DLGAP4: variants seen among roughly 807,000 people sequenced by gnomAD.
The protein encoded by DLGAP4 is disks large-associated protein 4.
Under a neutral mutation model 86.9 loss-of-function variants are expected in DLGAP4, and 18 were observed. That is an observed-to-expected ratio of 0.21 (90% CI 0.14 to 0.31). The LOEUF is 0.31. DLGAP4 is among the 10% of genes least tolerant of loss of function. The pLI is 1.00. For synonymous variants in DLGAP4, 548 were observed against 574.3 expected, an observed-to-expected ratio of 0.95 and a Z score of 0.65; for missense variants, 1,085 against 1,362.6, an observed-to-expected ratio of 0.80 and a Z score of 3.21.
chr20:36,471,211 G>A lies in DLGAP4; in HGVS notation c.1648+24274G>A, dbSNP rs540296191. On this transcript the variant is annotated intron_variant, in intron 7 of 12. Coordinates refer to ENST00000339266, the MANE Select transcript of DLGAP4 (RefSeq NM_001365621.2). ...CATTCAAATATTTACTGACCTTGCC[G>A]GGCGCGATGGCTCATGCCTGTAATC... Among the ~76,000 whole-genome samples, 11 of 152,124 alleles carry A rather than the reference G, an allele frequency of 7.2e-5. No individual in the cohort carries two copies. The East Asian group carries it at 9.6e-4, about 13-fold the overall frequency.
intron 2 of DLGAP4, among the ~76,000 whole-genome samples, chr20:36,373,869 T>G (rs1336701333): frequency 6.6e-6 from 1 of 151,794 alleles, no homozygotes; most frequent in African/African-American, 2.4e-5. Flanking sequence ...AAACCCTGTC[T>G]CTACTAAAAA....
At chr20:36,417,492 C>T (rs2032691696) in intron 2 of DLGAP4, among the ~76,000 whole-genome samples, 1 of 152,096 alleles carries the variant, frequency 6.6e-6, no homozygotes, top group Non-Finnish European at 1.5e-5. Flanking sequence ...AGCAATCTTC[C>T]CGTCACAGCC....
chr20:36,417,576 G>T (rs2032694524), intron 2 of DLGAP4, among the ~76,000 whole-genome samples: 1 of 151,866 alleles, frequency 6.6e-6, no homozygotes, highest in African/African-American at 2.4e-5. Flanking sequence ...GAGCGACAGG[G>T]TCTCACTATG....
intron 1 of DLGAP4, among the ~76,000 whole-genome samples, chr20:36,322,394 G>A (rs552010941): frequency 4.6e-4 from 70 of 152,280 alleles, no homozygotes; most frequent in Non-Finnish European, 4.0e-4. Context: ...ACATAAGAGC[G>A]TGGGTTGTGG....
intron 2 of DLGAP4, among the ~76,000 whole-genome samples, chr20:36,405,369 G>A (rs1198432193): frequency 3.3e-5 from 5 of 152,192 alleles, no homozygotes; most frequent in Non-Finnish European, 1.5e-5. Flanking sequence ...GCTGTTGAGG[G>A]TGAAAGTGAG....
At chr20:36,397,668 T>C (rs879774164) in intron 2 of DLGAP4, among the ~76,000 whole-genome samples, 6 of 152,246 alleles carry the variant, frequency 3.9e-5, no homozygotes, top group Non-Finnish European at 8.8e-5. Context: ...ATCATTCATT[T>C]CTAAGTCTTT....
chr20:36,421,712 GGAT>G (rs2032833561), intron 2 of DLGAP4, among the ~76,000 whole-genome samples: 1 of 152,060 alleles, frequency 6.6e-6, no homozygotes. Flanking sequence ...ACAAGCAGGA[GGAT>G]GATGTTGTCA....
chr20:36,517,348 A>T (rs1328238227), intron 10 of DLGAP4, among the ~76,000 whole-genome samples: 1 of 152,184 alleles, frequency 6.6e-6, no homozygotes, highest in Non-Finnish European at 1.5e-5. Flanking sequence ...ACTGCACTCC[A>T]GTCTGGACAA....
At chr20:36,355,478 G>A (rs187657074) in intron 1 of DLGAP4, among the ~76,000 whole-genome samples, 4 of 152,024 alleles carry the variant, frequency 2.6e-5, no homozygotes, top group East Asian at 1.9e-4. Flanking sequence ...TGTGGTTTTC[G>A]TAGAGGCATG....
intron 1 of DLGAP4, among the ~76,000 whole-genome samples, chr20:36,335,887 A>C (rs1384753275): frequency 6.6e-6 from 1 of 152,092 alleles, no homozygotes; most frequent in Non-Finnish European, 1.5e-5. Context: ...CCCTGCCTGT[A>C]ATGACTTGTT....
At chr20:36,325,184 T>C (rs1225978658) in intron 1 of DLGAP4, among the ~76,000 whole-genome samples, 1 of 152,208 alleles carries the variant, frequency 6.6e-6, no homozygotes, top group Non-Finnish European at 1.5e-5. Context: ...CATAGTACTT[T>C]CTAGTTTCCC....
intron 7 of DLGAP4, chr20:36,461,286 G>A: frequency 5.7e-6 from 1 of 174,254 alleles, no homozygotes; most frequent in Non-Finnish European, 1.1e-5. Context: ...GGCGTGGGCC[G>A]GACGCGGCGG....
At chr20:36,340,618 C>A (rs555646664) in intron 1 of DLGAP4, among the ~76,000 whole-genome samples, 7 of 152,136 alleles carry the variant, frequency 4.6e-5, no homozygotes, top group African/African-American at 1.7e-4. Context: ...ATCAGATCAG[C>A]GGCATTAGTT....
chr20:36,339,358 G>A (rs1029538653), intron 1 of DLGAP4, among the ~76,000 whole-genome samples: 2 of 151,926 alleles, frequency 1.3e-5, no homozygotes, highest in Non-Finnish European at 2.9e-5. Context: ...AAAGTGCTGG[G>A]ATTACAGGCG....
At chr20:36,423,130 A>G (rs183859898) in intron 2 of DLGAP4, among the ~76,000 whole-genome samples, 31 of 152,328 alleles carry the variant, frequency 2.0e-4, no homozygotes, top group African/African-American at 7.5e-4. Flanking sequence ...GGAAAGGACC[A>G]GTACGAGGTC....
intron 10 of DLGAP4, among the ~76,000 whole-genome samples, chr20:36,503,770 C>T (rs1393936773): frequency 6.6e-6 from 1 of 152,200 alleles, no homozygotes; most frequent in Non-Finnish European, 1.5e-5. Context: ...GCTGGGATTA[C>T]AGGCGTGAGC....
At chr20:36,327,039 AC>A (rs1415094752) in intron 1 of DLGAP4, among the ~76,000 whole-genome samples, 1 of 124,282 alleles carries the variant, frequency 8.0e-6, no homozygotes, top group Non-Finnish European at 1.6e-5. Flanking sequence ...TCACTGTGTC[AC>A]CCAGGCTGGA....
At chr20:36,407,194 A>T (rs2032349245) in intron 2 of DLGAP4, among the ~76,000 whole-genome samples, 2 of 152,308 alleles carry the variant, frequency 1.3e-5, no homozygotes, top group African/African-American at 4.8e-5. Context: ...TGAAAAAATT[A>T]GCAGGGTGTT....
intron 7 of DLGAP4, among the ~76,000 whole-genome samples, chr20:36,485,760 C>T (rs1207756501): frequency 6.6e-6 from 1 of 152,198 alleles, no homozygotes; most frequent in African/African-American, 2.4e-5. Context: ...AGCACCTGGC[C>T]CAGGCCTCCG....
Sources: allele counts gnomAD v4.1 joint callset (sites outside exome capture counted in the v4.1 genomes callset), GRCh38; gene constraint gnomAD v4.1.1; transcripts MANE v1.5; gene names NCBI Gene and HGNC (gene_info 2026-07-23, HGNC 2026-07-21).